The following GNA12 variants were observed in gnomAD, a reference collection of about 807,000 sequenced individuals.
GNA12 encodes guanine nucleotide-binding protein subunit alpha-12.
GNA12 carries 9 observed loss-of-function variants against 26.0 expected under a neutral mutation model. The observed-to-expected ratio is 0.35, with a 90% CI of 0.21 to 0.60. GNA12 has a LOEUF of 0.60. Ranked by LOEUF, GNA12 falls within the 20% of genes least tolerant of loss-of-function variation. The pLI is 0.78. For synonymous variants in GNA12, 264 were observed against 219.6 expected (o/e 1.20, Z -1.79); for missense variants, 405 against 525.8 (o/e 0.77, Z 2.25).
chr7:2,751,699 A>G (rs1055662922), intron 2 of GNA12, among the ~76,000 whole-genome samples: 2 of 152,268 alleles, frequency 1.3e-5, no homozygotes, highest in African/African-American at 4.8e-5. Context: ...AGCTCCGTCA[A>G]ACATTGACAG....
intron 2 of GNA12, among the ~76,000 whole-genome samples, chr7:2,753,706 G>A (rs988687266): frequency 6.6e-6 from 1 of 152,146 alleles, no homozygotes; most frequent in Non-Finnish European, 1.5e-5. Context: ...ATGCCCAGGA[G>A]TGTGACTGCC....
rs184257093 is a variant in GNA12, at chr7:2,734,771, T to C, written c.526-1270A>G. On this transcript the variant is annotated intron_variant, in intron 2 of 3. Transcript: ENST00000275364. ...CACGTCTCCCCATCCCAGCACTGCC[T>C]GTGTTGAGCGAGCACACATCCTCCT... 1.4e-3 allele frequency among the ~76,000 whole-genome samples: 210 copies of C among 152,332 alleles called. 1 individual carries two copies. Among genetic ancestry groups the C allele is most frequent in the African/African-American group, 4.3e-3 (179 of 41,562 alleles).
intron 1 of GNA12, among the ~76,000 whole-genome samples, chr7:2,843,043 T>C (rs568676588): frequency 1.2e-4 from 18 of 152,280 alleles, no homozygotes; most frequent in Non-Finnish European, 2.2e-4. Flanking sequence ...TCTCAGCACT[T>C]TGGGAGGCCC....
At chr7:2,767,002 C>A (rs1322694036) in intron 2 of GNA12, among the ~76,000 whole-genome samples, 1 of 152,244 alleles carries the variant, frequency 6.6e-6, no homozygotes, top group African/African-American at 2.4e-5. Flanking sequence ...TACTGAGATA[C>A]TTTGCATAGG....
chr7:2,766,655 G>A (rs1430461784), intron 2 of GNA12, among the ~76,000 whole-genome samples: 3 of 152,086 alleles, frequency 2.0e-5, no homozygotes, highest in African/African-American at 7.2e-5. Flanking sequence ...CAAAGTGCTG[G>A]GATTACAGGT....
At chr7:2,763,237 C>G in intron 2 of GNA12, 1 of 407,118 alleles carries the variant, frequency 2.5e-6, no homozygotes, top group Non-Finnish European at 3.5e-6. Flanking sequence ...CACACGGTCT[C>G]AACACAGTTC....
chr7:2,820,889 C>T lies in GNA12; in HGVS notation c.309+22964G>A, dbSNP rs150892749. Among the ~76,000 whole-genome samples, 52 of 152,374 alleles carry T rather than the reference C, an allele frequency of 3.4e-4. No homozygotes were observed. The East Asian group carries it at 9.8e-3, about 29-fold the overall frequency. The stretch of plus-strand genomic sequence containing the variant: ...ATGTAGCTGGGATTACAGGCATGCA[C>T]CACCATGGCCAGCTAATTTCTAAAA... On this transcript the variant is annotated intron_variant, in intron 1 of 3. Transcript: ENST00000275364.
At chr7:2,769,282 G>C (rs1316140108) in intron 2 of GNA12, among the ~76,000 whole-genome samples, 1 of 152,126 alleles carries the variant, frequency 6.6e-6, no homozygotes, top group African/African-American at 2.4e-5. Flanking sequence ...ATCACTGGCA[G>C]GTATTTACGT....
At position 2,798,880 on chromosome 7, in the gene GNA12, C is replaced by T. The variant is rs181574147; in HGVS notation, c.310-3737G>A. On this transcript the variant is annotated intron_variant, in intron 1 of 3. Transcript: ENST00000275364. ...GGTAATTTTTGTAAAAGTGCAAAAG[C>T]AATTAAAAAGAGGAAGCCTGGTCTT... Among the ~76,000 whole-genome samples, 72 of 120,820 alleles carry T rather than the reference C, an allele frequency of 6.0e-4. 2 individuals carry two copies. The highest frequency in any genetic ancestry group is 5.0e-4 in the Admixed American group (5 of 10,042). The allele number at this position is 120,820 out of a possible 152,430, so 79.3% of individuals were successfully genotyped here. A position where few individuals can be genotyped will look rare whatever the true frequency, so the allele number is the denominator to read the frequency against.
chr7:2,765,177 T>C (rs1791752077), intron 2 of GNA12: 1 of 151,512 alleles, frequency 6.6e-6, no homozygotes, highest in African/African-American at 2.4e-5. Flanking sequence ...AGACGGAGTC[T>C]CGCTCTGTCG....
At chr7:2,804,888 A>C (rs1206992426) in intron 1 of GNA12, among the ~76,000 whole-genome samples, 1 of 145,420 alleles carries the variant, frequency 6.9e-6, no homozygotes. Context: ...CCGAGACCCT[A>C]TCTCTATTAA....
chr7:2,805,494 C>T (rs1792923782), intron 1 of GNA12, among the ~76,000 whole-genome samples: 1 of 152,256 alleles, frequency 6.6e-6, no homozygotes, highest in South Asian at 2.1e-4. Flanking sequence ...GCCTTGACCG[C>T]GCGGGCTCAA....
Position 2,731,675 on chromosome 7 carries a change from T to C in GNA12, c.652A>G (p.Ile218Val), listed in dbSNP as rs1789904833. Residue 218 changes from isoleucine to valine, a missense_variant, in exon 4 of 4, where the codon ATT becomes GTT. Ile to Val is a conservative substitution (Grantham distance 29). Coordinates refer to ENST00000275364, the MANE Select transcript of GNA12 (RefSeq NM_007353.3). This position sits in a 1 kb window ranked among gnomAD's most constrained non-coding sequence, Gnocchi z 6.0. ...ACCATCTTAAAGGGGATCTTCTTAA[T>C]AACGAAGTCATGCTCCACAATTCCC... ...TKGIVEHDFV[I>V]KKIPFKMVDV... 7.5e-6 allele frequency: 12 copies of C among 1,609,282 alleles called. No homozygotes were observed. The highest frequency in any genetic ancestry group is 9.3e-6 in the Non-Finnish European group (11 of 1,177,726).
chr7:2,742,378 C>A (rs1790551714), intron 2 of GNA12, among the ~76,000 whole-genome samples: 1 of 152,138 alleles, frequency 6.6e-6, no homozygotes, highest in East Asian at 1.9e-4. Flanking sequence ...TGCGATGTCT[C>A]CAGTGTTTAA....
chr7:2,735,292 A>G (rs1000220106), intron 2 of GNA12, among the ~76,000 whole-genome samples: 5 of 152,162 alleles, frequency 3.3e-5, no homozygotes, highest in African/African-American at 1.2e-4. Context: ...AGCAGCTCAC[A>G]GCCCAAGCCA....
intron 1 of GNA12, among the ~76,000 whole-genome samples, chr7:2,805,831 G>A (rs751187143): frequency 7.9e-5 from 12 of 152,118 alleles, no homozygotes; most frequent in Admixed American, 2.0e-4. Context: ...ACTCATCTAC[G>A]CTATCTTGGC....
intron 2 of GNA12, among the ~76,000 whole-genome samples, chr7:2,782,492 C>T (rs1422750179): frequency 2.6e-5 from 4 of 152,158 alleles, no homozygotes; most frequent in Non-Finnish European, 4.4e-5. Flanking sequence ...GACACCACCT[C>T]GAGATATCAT....
At chr7:2,772,726 C>T (rs868785410) in intron 2 of GNA12, among the ~76,000 whole-genome samples, 2 of 152,152 alleles carry the variant, frequency 1.3e-5, no homozygotes, top group African/African-American at 4.8e-5. Flanking sequence ...GCTGGAGAGA[C>T]TATAAACCAG....
intron 1 of GNA12, among the ~76,000 whole-genome samples, chr7:2,842,543 C>G (rs542929187): frequency 6.6e-5 from 10 of 152,336 alleles, no homozygotes; most frequent in African/African-American, 2.4e-4. Flanking sequence ...AGTGATCCTC[C>G]TGCCTCAGCT....
Sources: allele counts gnomAD v4.1 joint callset (sites outside exome capture counted in the v4.1 genomes callset), GRCh38; gene constraint gnomAD v4.1.1; non-coding constraint Gnocchi (gnomAD v3.1); transcripts MANE v1.5; gene names NCBI Gene and HGNC (gene_info 2026-07-23, HGNC 2026-07-21).